MUC5B: variants seen among roughly 807,000 people sequenced by gnomAD.
MUC5B encodes mucin-5B.
MUC5B carries 116 observed loss-of-function variants against 376.9 expected under a neutral mutation model. That is an observed-to-expected ratio of 0.31 (90% CI 0.26 to 0.36). MUC5B has a LOEUF of 0.36. Ranked by LOEUF, MUC5B falls within the 10% of genes least tolerant of loss-of-function variation. MUC5B has a pLI of 1.00. For synonymous variants in MUC5B, 3,517 were observed against 3,390.9 expected (o/e 1.04, Z -1.29); for missense variants, 7,165 against 7,769.9 (o/e 0.92, Z 2.93).
chr11:1,241,956 C>T lies in MUC5B; in HGVS notation c.5076C>T (p.Thr1692=). The T allele has an allele frequency of 6.2e-7, 1 of 1,604,646 alleles. No individual in the cohort carries two copies. Among genetic ancestry groups the T allele is most frequent in the Non-Finnish European group, 8.5e-7 (1 of 1,175,964 alleles). The stretch of plus-strand genomic sequence containing the variant: ...CTGTCCCAGGGGTGGCCACATCCAC[C>T]CTTCCAACACGCTCAGCCCTTCCAG... ...EPTVPGVATS[T]LPTRSALPGT... Residue 1692 remains threonine (T), a synonymous_variant, in exon 31 of 49, where the codon ACC becomes ACT. Transcript: ENST00000529681.
rs775930093 is a variant in MUC5B at position 1,251,597 on chromosome 11, C to T, written c.14717C>T (p.Pro4906Leu). The T allele has an allele frequency of 4.3e-6, 7 of 1,612,932 alleles. No homozygotes were observed. The African/African-American group carries it at 6.7e-5, about 15-fold the overall frequency. ...SSSTVGTTRT[P>L]AVLPSSLPTF... Reference sequence around the variant, plus strand: ...TCCACCGTGGGGACCACCCGCACCCCTGCAGTGCTCCCCAGCAGCCTGCCA... The same window carrying T: ...TCCACCGTGGGGACCACCCGCACCCTTGCAGTGCTCCCCAGCAGCCTGCCA... The change falls in exon 31 of 49, where the codon CCT becomes CTT. Residue 4906 changes from proline to leucine, a missense_variant. Around this residue, in one of 31 missense-constraint regions of MUC5B, gnomAD observed 730 missense variants for 592.7 expected, o/e 1.23. Coordinates refer to ENST00000529681, the MANE Select transcript of MUC5B (RefSeq NM_002458.3).
rs1251354276 is a variant in MUC5B at position 1,247,907 on chromosome 11, C to A, written c.11027C>A (p.Ala3676Asp). The change falls in exon 31 of 49, where the codon GCC becomes GAC. Residue 3676 changes from alanine to aspartate, a missense_variant. Physicochemically the swap from Ala to Asp is moderately radical, Grantham distance 126 (BLOSUM62 -2). Coordinates refer to ENST00000529681, the MANE Select transcript of MUC5B (RefSeq NM_002458.3). ...CNYGHCPSTP[A>D]TSSTATPSST... ...TACGGCCACTGCCCCAGCACCCCGGCCACCAGCTCTACGGCCACGCCCTCC... is the reference window on the plus strand; with the variant it reads ...TACGGCCACTGCCCCAGCACCCCGGACACCAGCTCTACGGCCACGCCCTCC... 3 of 1,611,668 alleles carry A rather than the reference C, an allele frequency of 1.9e-6. No individual in the cohort carries two copies. Among genetic ancestry groups the A allele is most frequent in the African/African-American group, 1.3e-5 (1 of 74,714 alleles).
intron 46 of MUC5B, 105 bp downstream of exon 46, chr11:1,260,190 G>A: frequency 6.8e-7 from 1 of 1,462,732 alleles, no homozygotes; most frequent in South Asian, 1.3e-5. Flanking sequence ...ACCCCTGCTG[G>A]GGAGGCCCCA....
chr11:1,223,309 C>T, intron 1 of MUC5B, 116 bp downstream of exon 1: 2 of 693,554 alleles, frequency 2.9e-6, no homozygotes, highest in Non-Finnish European at 5.3e-6. Flanking sequence ...CCTACGACTC[C>T]CTGAGTGTCC....
chr11:1,238,449 T>C (rs965511891), intron 25 of MUC5B, among the ~76,000 whole-genome samples: 4 of 151,850 alleles, frequency 2.6e-5, no homozygotes, highest in Non-Finnish European at 4.4e-5. Context: ...CCAGTACGAC[T>C]GCAGCGGAGG....
rs1862845199 is a variant in MUC5B at position 1,256,672 on chromosome 11, A to T, written c.16138A>T (p.Asn5380Tyr). The change falls in exon 39 of 49, where the codon AAC (asparagine) becomes TAC (tyrosine). Residue 5380 changes from asparagine to tyrosine, a missense_variant and splice_region_variant. Asn to Tyr is a moderately radical substitution (Grantham distance 143). Transcript: ENST00000529681. ...PIQPATCNSRNQSPQLEGMAE... is the reference protein window; with the variant it reads ...PIQPATCNSRYQSPQLEGMAE... ...AGGGCCTCTCTTGTCATCCTGCAGG[A>T]ACCAGAGCCCACAGCTGGAGGGGAT... The T allele has an allele frequency of 6.4e-7, 1 of 1,561,774 alleles. No individual in the cohort carries two copies. The highest frequency in any genetic ancestry group is 8.7e-7 in the Non-Finnish European group (1 of 1,154,960).
Position 1,258,049 on chromosome 11 carries a change from C to CT in MUC5B, c.16451-50_16451-49insT. 1 of 1,492,784 alleles carries CT rather than the reference C, an allele frequency of 6.7e-7. No homozygotes were observed. Among genetic ancestry groups the CT allele is most frequent in the South Asian group, 1.2e-5 (1 of 82,532 alleles). The allele number at this position is 1,492,784 out of a possible 1,614,324, so 92.5% of individuals were successfully genotyped here. ...GCGACTTACTCTGGGAACAAGTGGTCGGGAGGAGGAGTGAGCAGCGCCCAG... is the reference window on the plus strand; with the variant it reads ...GCGACTTACTCTGGGAACAAGTGGTCTGGGAGGAGGAGTGAGCAGCGCCCAG... On this transcript the variant is annotated intron_variant, in intron 41 of 48. Coordinates refer to ENST00000529681, the MANE Select transcript of MUC5B (RefSeq NM_002458.3). The surrounding 1 kb of genome is among the most constrained non-coding windows in gnomAD (Gnocchi z 5.5).
Position 1,234,325 on chromosome 11 carries a change from G to A in MUC5B, c.2478+20G>A, listed in dbSNP as rs752052157. On this transcript the variant is annotated intron_variant, in intron 20 of 48. Transcript: ENST00000529681. This position sits in a 1 kb window ranked among gnomAD's most constrained non-coding sequence, Gnocchi z 6.3. Reference sequence around the variant, plus strand: ...GGCTGTGTGAGTTCCATGCTTCAGGGAGGGGTGGGCAGGGAAGGGGTCCCA... The same window carrying A: ...GGCTGTGTGAGTTCCATGCTTCAGGAAGGGGTGGGCAGGGAAGGGGTCCCA... 4 of 1,494,092 alleles carry A rather than the reference G, an allele frequency of 2.7e-6. No homozygotes were observed. Among genetic ancestry groups the A allele is most frequent in the Non-Finnish European group, 3.7e-6 (4 of 1,081,842 alleles). The allele number at this position is 1,494,092 out of a possible 1,614,324, so 92.6% of individuals were successfully genotyped here. A position where few individuals can be genotyped will look rare whatever the true frequency, so the allele number is the denominator to read the frequency against.
Position 1,244,715 on chromosome 11 carries a change from C to T in MUC5B, c.7835C>T (p.Thr2612Ile), listed in dbSNP as rs1359703166. ...CACACTACCAAAGTGCTGACTACCACAACCACGGGCTTCACAGCCACCCCC... is the reference window on the plus strand; with the variant it reads ...CACACTACCAAAGTGCTGACTACCATAACCACGGGCTTCACAGCCACCCCC... ...TAHTTKVLTT[T>I]TTGFTATPSS... Residue 2612 changes from threonine (T) to isoleucine (I), a missense_variant, in exon 31 of 49, where the codon ACA becomes ATA. Coordinates refer to ENST00000529681, the MANE Select transcript of MUC5B (RefSeq NM_002458.3). The T allele has an allele frequency of 1.2e-6, 2 of 1,612,934 alleles. No individual in the cohort carries two copies. The highest frequency in any genetic ancestry group is 3.3e-5 in the Admixed American group (2 of 59,968).
chr11:1,240,219 G>C lies in MUC5B; in HGVS notation c.3814G>C (p.Asp1272His). Reference protein sequence around the residue: ...TYEDRTYSYQDVIYNTTDGLG... With the variant: ...TYEDRTYSYQHVIYNTTDGLG... ...TGAGGACAGGACCTACAGCTACCAG[G>C]ACGTCATCTACAACACCACCGATGG... Residue 1272 changes from aspartate to histidine, a missense_variant, in exon 30 of 49, where the codon GAC (aspartate) becomes CAC (histidine). Around this residue, in one of 31 missense-constraint regions of MUC5B, gnomAD observed 517 missense variants for 545.3 expected, o/e 0.95. Transcript: ENST00000529681. 6.2e-7 allele frequency: 1 copy of C among 1,612,890 alleles called. No homozygotes were observed. The highest frequency in any genetic ancestry group is 8.5e-7 in the Non-Finnish European group (1 of 1,179,160).
Position 1,256,129 on chromosome 11 carries a change from T to G in MUC5B, c.16067-27T>G, listed in dbSNP as rs1186697509. 2.2e-5 allele frequency: 16 copies of G among 720,082 alleles called. No homozygotes were observed. The East Asian group carries it at 3.7e-4, about 17-fold the overall frequency. 44.6% of individuals were successfully genotyped at this position (720,082 alleles called of 1,614,324 possible). A position where few individuals can be genotyped will look rare whatever the true frequency, so the allele number is the denominator to read the frequency against. ...CCCTGGGCCCCCCCAACCCCTTGGC[T>G]TGTCTGACACCTCTCTGTGCCCACA... On this transcript the variant is annotated intron_variant, in intron 37 of 48. Transcript: ENST00000529681.
At position 1,246,831 on chromosome 11, in the gene MUC5B, A is replaced by T; in HGVS notation, c.9951A>T (p.Thr3317=). 4.4e-6 allele frequency: 7 copies of T among 1,606,886 alleles called. 1 individual carries two copies. In the East Asian group the frequency reaches 1.3e-4, roughly 31 times the overall value. The part of the protein sequence containing the change: ...KVPTTTTTGF[T]ATPSSSPGTA... ...CGACTACCACAACCACGGGCTTCAC[A>T]GCCACCCCCTCCTCCAGCCCAGGGA... is the stretch of plus-strand genomic sequence containing the variant. The change falls in exon 31 of 49, where the codon ACA becomes ACT. Residue 3317 remains threonine (T), a synonymous_variant. Transcript: ENST00000529681.
At position 1,258,135 on chromosome 11, in the gene MUC5B, T is replaced by C. The variant is rs748270598; in HGVS notation, c.16487T>C (p.Val5496Ala). ...ACCACCTGCCCCCAGAGCCTGCCTG[T>C]GTGCCCGCCAGGGCAGGAGTCCATC... ...NTTTCPQSLP[V>A]CPPGQESICT... The change falls in exon 42 of 49, where the codon GTG (valine) becomes GCG (alanine). Residue 5496 changes from valine to alanine, a missense_variant. Physicochemically the swap from Val to Ala is moderately conservative, Grantham distance 64. Coordinates refer to ENST00000529681, the MANE Select transcript of MUC5B (RefSeq NM_002458.3). The surrounding 1 kb of genome is among the most constrained non-coding windows in gnomAD (Gnocchi z 5.5). The C allele has an allele frequency of 5.0e-6, 8 of 1,598,654 alleles. No homozygotes were observed. Among genetic ancestry groups the C allele is most frequent in the Non-Finnish European group, 6.8e-6 (8 of 1,174,878 alleles).
Position 1,251,595 on chromosome 11 carries a change from C to G in MUC5B, c.14715C>G (p.Thr4905=), listed in dbSNP as rs1222263825. 2.5e-6 allele frequency: 4 copies of G among 1,612,906 alleles called. No homozygotes were observed. The highest frequency in any genetic ancestry group is 4.5e-5 in the East Asian group (2 of 44,890). Residue 4905 remains threonine (T), a synonymous_variant, in exon 31 of 49, where the codon ACC becomes ACG. Transcript: ENST00000529681. ...CGTCCACCGTGGGGACCACCCGCAC[C>G]CCTGCAGTGCTCCCCAGCAGCCTGC... The part of the protein sequence containing the change: ...PSSSTVGTTR[T]PAVLPSSLPT...
At position 1,258,044 on chromosome 11, in the gene MUC5B, G is replaced by GCGACT; in HGVS notation, c.16451-55_16451-54insCGACT. The GCGACT allele has an allele frequency of 6.7e-7, 1 of 1,482,008 alleles. No homozygotes were observed. The highest frequency in any genetic ancestry group is 1.2e-5 in the South Asian group (1 of 82,384). 91.8% of individuals were successfully genotyped at this position (1,482,008 alleles called of 1,614,324 possible). A position where few individuals can be genotyped will look rare whatever the true frequency, so the allele number is the denominator to read the frequency against. On this transcript the variant is annotated intron_variant, in intron 41 of 48. Coordinates refer to ENST00000529681, the MANE Select transcript of MUC5B (RefSeq NM_002458.3). This position sits in a 1 kb window ranked among gnomAD's most constrained non-coding sequence, Gnocchi z 5.5. The stretch of plus-strand genomic sequence containing the variant: ...CGCCTGCGACTTACTCTGGGAACAA[G>GCGACT]TGGTCGGGAGGAGGAGTGAGCAGCG...
chr11:1,233,894 AC>A, intron 19 of MUC5B, 46 bp downstream of exon 19: 2 of 1,531,432 alleles, frequency 1.3e-6, no homozygotes, highest in Non-Finnish European at 1.8e-6. Flanking sequence ...GCCCCGCATC[AC>A]CCCGCCTGGC....
At position 1,245,846 on chromosome 11, in the gene MUC5B, C is replaced by G; in HGVS notation, c.8966C>G (p.Thr2989Arg). The G allele has an allele frequency of 6.2e-7, 1 of 1,613,564 alleles. No individual in the cohort carries two copies. The highest frequency in any genetic ancestry group is 1.1e-5 in the South Asian group (1 of 91,064). Residue 2989 changes from threonine to arginine, a missense_variant, in exon 31 of 49, where the codon ACG becomes AGG. Coordinates refer to ENST00000529681, the MANE Select transcript of MUC5B (RefSeq NM_002458.3). ...GCCACGCCCTCCTCCACTCCAGGGA[C>G]GACCTGGATCCTCACAGAGCAGACC... ...STATPSSTPG[T>R]TWILTEQTTA...
intron 1 of MUC5B, 123 bp downstream of exon 1, chr11:1,223,316 G>A: frequency 1.4e-6 from 1 of 693,268 alleles, no homozygotes; most frequent in South Asian, 1.5e-5. Context: ...CTCCCTGAGT[G>A]TCCTGGATGG....
At position 1,244,899 on chromosome 11, in the gene MUC5B, T is replaced by A; in HGVS notation, c.8019T>A (p.Ser2673=). The A allele has an allele frequency of 6.2e-7, 1 of 1,607,838 alleles. No individual in the cohort carries two copies. Among genetic ancestry groups the A allele is most frequent in the East Asian group, 2.2e-5 (1 of 44,492 alleles). ...TTTTTTVATG[S]MATPSSSTQT... ...CCACCACAACTGTGGCCACTGGTTC[T>A]ATGGCAACACCCTCCTCTAGCACAC... The change falls in exon 31 of 49, where the codon TCT becomes TCA. Residue 2673 remains serine, a synonymous_variant. Transcript: ENST00000529681.
Sources: allele counts gnomAD v4.1 joint callset (sites outside exome capture counted in the v4.1 genomes callset), GRCh38; gene constraint gnomAD v4.1.1; regional missense constraint gnomAD v4.1.1; non-coding constraint Gnocchi (gnomAD v3.1); transcripts MANE v1.5; gene names NCBI Gene and HGNC (gene_info 2026-07-23, HGNC 2026-07-21).